DRC3: variants seen among roughly 807,000 people sequenced by gnomAD.
DRC3 encodes the protein leucine rich repeat containing 48.
In DRC3, 45 loss-of-function variants were observed where a neutral mutation model predicts 57.6. The ratio of observed to expected loss-of-function variants is 0.78; its 90% CI spans 0.62 to 1.00. The LOEUF (loss-of-function observed/expected upper bound fraction) is 1.00, where lower values mean the gene tolerates loss of function less well. DRC3 is among the 50% of genes least tolerant of loss of function. DRC3 has a pLI of 0.00. For missense variants in DRC3, 655 were observed against 675.2 expected, an observed-to-expected ratio of 0.97 and a Z score of 0.33; for synonymous variants, 257 against 272.3, an observed-to-expected ratio of 0.94 and a Z score of 0.55.
intron 12 of DRC3, among the ~76,000 whole-genome samples, chr17:18,012,510 C>T (rs1390692723): frequency 2.0e-5 from 3 of 152,096 alleles, no homozygotes; most frequent in Non-Finnish European, 4.4e-5. Flanking sequence ...CAAAGACCCA[C>T]CTCTCTATAA....
chr17:18,011,410 A>G (rs2044164562), intron 12 of DRC3: 1 of 292,100 alleles, frequency 3.4e-6, no homozygotes. Flanking sequence ...TGTCAGAGGG[A>G]TCACTGTCCT....
intron 3 of DRC3, chr17:17,978,079 G>A: frequency 5.0e-6 from 1 of 198,954 alleles, no homozygotes; most frequent in East Asian, 1.3e-4. Context: ...GGGTGTCCTT[G>A]GAGTGGGGGT....
intron 5 of DRC3, chr17:17,989,628 G>A (rs2043134396): frequency 6.6e-6 from 1 of 152,492 alleles, no homozygotes; most frequent in African/African-American, 2.4e-5. Context: ...CCAACACACA[G>A]GCGTGTCACT....
At chr17:17,983,986 A>C in intron 4 of DRC3, 42 bp downstream of exon 4, 1 of 1,296,596 alleles carries the variant, frequency 7.7e-7, no homozygotes, top group Non-Finnish European at 1.1e-6. Context: ...ATCGAAGGTG[A>C]CACCCTGACA....
At chr17:17,998,205 A>G (rs984744688) in intron 9 of DRC3, among the ~76,000 whole-genome samples, 2 of 152,116 alleles carry the variant, frequency 1.3e-5, no homozygotes, top group African/African-American at 4.8e-5. Flanking sequence ...GCCTTATCTC[A>G]GGCTGGGGAG....
intron 3 of DRC3, among the ~76,000 whole-genome samples, chr17:17,982,302 G>A (rs948410209): frequency 2.7e-5 from 4 of 147,766 alleles, no homozygotes; most frequent in South Asian, 2.1e-4. Context: ...TGAAAGCTCC[G>A]CCTCCTGGGT....
intron 12 of DRC3, among the ~76,000 whole-genome samples, chr17:18,012,186 A>G (rs2044193237): frequency 6.6e-6 from 1 of 152,222 alleles, no homozygotes; most frequent in Non-Finnish European, 1.5e-5. Context: ...AACAGAATAG[A>G]GAACTCAGAA....
intron 4 of DRC3, 124 bp from the exon 5 acceptor site, chr17:17,987,808 A>C (rs1255961287): frequency 2.1e-6 from 2 of 970,364 alleles, no homozygotes; most frequent in Non-Finnish European, 3.0e-6. Context: ...ACAGTGAGTC[A>C]AATTCTGGCC....
At chr17:17,981,210 G>A (rs745329028) in intron 3 of DRC3, 2 of 248,812 alleles carry the variant, frequency 8.0e-6, no homozygotes, top group South Asian at 1.1e-4. Flanking sequence ...CTCTGCAGTT[G>A]GGGCATCTTT....
At chr17:17,994,978 T>A (rs1325806352) in intron 7 of DRC3, 21 bp from the exon 8 acceptor site, 1 of 1,592,484 alleles carries the variant, frequency 6.3e-7, no homozygotes, top group South Asian at 1.1e-5. Context: ...CCGTCCTACC[T>A]ACGTGTGTTT....
chr17:17,987,059 T>A (rs1018981639), intron 4 of DRC3, among the ~76,000 whole-genome samples: 1 of 151,594 alleles, frequency 6.6e-6, no homozygotes, highest in African/African-American at 2.4e-5. Flanking sequence ...CAAACCTTTT[T>A]AAAAAGTTAG....
chr17:17,975,509 C>T (rs544577792), intron 2 of DRC3, among the ~76,000 whole-genome samples: 1 of 144,508 alleles, frequency 6.9e-6, no homozygotes, highest in South Asian at 2.2e-4. Flanking sequence ...CGCGCCTGAC[C>T]TCCCCACCCC....
At chr17:18,010,180 A>G (rs960306106) in intron 12 of DRC3, among the ~76,000 whole-genome samples, 1 of 152,266 alleles carries the variant, frequency 6.6e-6, no homozygotes, top group Non-Finnish European at 1.5e-5. Context: ...GGCTGGCACC[A>G]GGAGACTCCG....
intron 9 of DRC3, among the ~76,000 whole-genome samples, chr17:18,000,713 G>A (rs535538022): frequency 6.6e-6 from 1 of 152,064 alleles, no homozygotes; most frequent in Non-Finnish European, 1.5e-5. Flanking sequence ...AGTGTCACAG[G>A]CTTCCTCATG....
chr17:18,006,213 G>A lies in DRC3; in HGVS notation c.1162G>A (p.Val388Ile). The A allele has an allele frequency of 6.2e-7, 1 of 1,612,578 alleles. No homozygotes were observed. The highest frequency in any genetic ancestry group is 8.5e-7 in the Non-Finnish European group (1 of 1,178,980). The part of the protein sequence containing the change: ...ETINMFERNI[V>I]DMVGLFIENV... ...TATAAACATGTTTGAAAGGAACATT[G>A]TTGACATGGTAGGACTGTTTATCGA... Residue 388 changes from valine (V) to isoleucine (I), a missense_variant, in exon 11 of 14, where the codon GTT (valine) becomes ATT (isoleucine). Transcript: ENST00000399187.
intron 12 of DRC3, among the ~76,000 whole-genome samples, chr17:18,014,367 C>A (rs2044281533): frequency 6.6e-6 from 1 of 152,230 alleles, no homozygotes; most frequent in South Asian, 2.1e-4. Flanking sequence ...CTAGTGCTTT[C>A]AACCTGCAGA....
chr17:18,006,931 T>G, intron 11 of DRC3, 93 bp from the exon 12 acceptor site: 1 of 1,551,350 alleles, frequency 6.4e-7, no homozygotes, highest in Non-Finnish European at 8.7e-7. Context: ...CGAGCTCGCC[T>G]TGGGCCCTTA....
chr17:18,002,189 G>C (rs1597621576), intron 9 of DRC3, among the ~76,000 whole-genome samples: 2 of 152,212 alleles, frequency 1.3e-5, no homozygotes, highest in East Asian at 1.9e-4. Context: ...AAATCTCCCA[G>C]GTTTTCTGCT....
intron 4 of DRC3, among the ~76,000 whole-genome samples, chr17:17,986,896 C>T (rs548802720): frequency 6.6e-6 from 1 of 152,142 alleles, no homozygotes; most frequent in Non-Finnish European, 1.5e-5. Context: ...TGCCAGGTAA[C>T]CCTGAAAACC....
Sources: allele counts gnomAD v4.1 joint callset (sites outside exome capture counted in the v4.1 genomes callset), GRCh38; gene constraint gnomAD v4.1.1; transcripts MANE v1.5; gene names NCBI Gene and HGNC (gene_info 2026-07-23, HGNC 2026-07-21).